C1orf146: variants seen among roughly 807,000 people sequenced by gnomAD.
C1orf146 encodes chromosome 1 open reading frame 146, also known as protein SPO16 homolog.
Under a neutral mutation model 23.0 loss-of-function variants are expected in C1orf146, and 22 were observed. That is an observed-to-expected ratio of 0.96 (90% CI 0.68 to 1.36). The LOEUF is 1.36. Among genes scored for constraint, C1orf146 ranks in the 40% most tolerant of loss-of-function variants. C1orf146 has a pLI of 0.00. For synonymous variants in C1orf146, 59 were observed against 65.3 expected (o/e 0.90, Z 0.47); for missense variants, 199 against 206.8 (o/e 0.96, Z 0.23).
chr1:92,220,251 A>G (rs1282164573), intron 1 of C1orf146, among the ~76,000 whole-genome samples: 1 of 152,166 alleles, frequency 6.6e-6, no homozygotes, highest in African/African-American at 2.4e-5. Context: ...ACTTGTTGCT[A>G]GCACCCAGGT....
chr1:92,219,384 G>A (rs1651763378), intron 1 of C1orf146, among the ~76,000 whole-genome samples: 1 of 151,796 alleles, frequency 6.6e-6, no homozygotes, highest in Admixed American at 6.6e-5. Context: ...TTAGAGAGCA[G>A]CTGGTTTCAA....
chr1:92,230,099 T>C (rs1454393999), intron 1 of C1orf146, among the ~76,000 whole-genome samples: 1 of 152,164 alleles, frequency 6.6e-6, no homozygotes, highest in African/African-American at 2.4e-5. Flanking sequence ...TTCTCCCTTC[T>C]CTTAGTGCAG....
At chr1:92,244,683 A>T (rs1239810251) in intron 4 of C1orf146, 96 bp from the exon 5 acceptor site, 1 of 819,120 alleles carries the variant, frequency 1.2e-6, no homozygotes, top group South Asian at 1.8e-5. Context: ...GCATAGACAA[A>T]TAACAAACAA....
intron 2 of C1orf146, among the ~76,000 whole-genome samples, chr1:92,241,187 CT>C (rs1353377482): frequency 2.1e-5 from 3 of 142,686 alleles, no homozygotes; most frequent in Non-Finnish European, 4.5e-5. Flanking sequence ...CTCCAAGTTG[CT>C]TATTATTATT....
intron 2 of C1orf146, among the ~76,000 whole-genome samples, chr1:92,237,082 G>T (rs890890563): frequency 4.6e-5 from 7 of 151,434 alleles, no homozygotes; most frequent in African/African-American, 1.7e-4. Flanking sequence ...TAGTTTGATT[G>T]TCTGAAGCCT....
intron 1 of C1orf146, among the ~76,000 whole-genome samples, chr1:92,224,370 T>C (rs1246644918): frequency 6.6e-6 from 1 of 152,134 alleles, no homozygotes; most frequent in Non-Finnish European, 1.5e-5. Flanking sequence ...TTAACTTAGA[T>C]TAAGTCCAGT....
chr1:92,233,429 G>A (rs1454703150), intron 2 of C1orf146, among the ~76,000 whole-genome samples: 13 of 152,038 alleles, frequency 8.6e-5, no homozygotes, highest in Admixed American at 2.6e-4. Context: ...TAGATATGCG[G>A]CGTTATTTCT....
chr1:92,224,669 G>T (rs1459115833), intron 1 of C1orf146, among the ~76,000 whole-genome samples: 1 of 152,108 alleles, frequency 6.6e-6, no homozygotes, highest in African/African-American at 2.4e-5. Flanking sequence ...TCAAAGAACT[G>T]TTTTCTTTAT....
At chr1:92,236,292 A>C (rs559365909) in intron 2 of C1orf146, among the ~76,000 whole-genome samples, 281 of 152,026 alleles carry the variant, frequency 1.8e-3, no homozygotes, top group African/African-American at 6.4e-3. Context: ...GAGCTCTTTT[A>C]GGGCAGGCCT....
chr1:92,225,212 C>T (rs1005570606), intron 1 of C1orf146, among the ~76,000 whole-genome samples: 1 of 150,386 alleles, frequency 6.6e-6, no homozygotes, highest in Admixed American at 6.6e-5. Context: ...CTCAGGTGAT[C>T]CTCCCTCCTC....
At chr1:92,235,516 A>T (rs2100741694) in intron 2 of C1orf146, among the ~76,000 whole-genome samples, 1 of 150,844 alleles carries the variant, frequency 6.6e-6, no homozygotes, top group East Asian at 2.0e-4. Context: ...TGCTGAGGAG[A>T]GCTTTACTTC....
intron 2 of C1orf146, chr1:92,241,066 C>G (rs1249618315): frequency 3.0e-6 from 1 of 338,364 alleles, no homozygotes; most frequent in East Asian, 9.8e-5. Context: ...AATTGGTTGT[C>G]TTCTGTGATG....
At chr1:92,243,956 G>GA (rs35711025) in intron 3 of C1orf146, among the ~76,000 whole-genome samples, 2,578 of 137,028 alleles carry the variant, frequency 0.019, 16 homozygotes, top group Middle Eastern at 0.029. Context: ...CTTCATCTAG[G>GA]AAAAAAAAAA....
intron 1 of C1orf146, among the ~76,000 whole-genome samples, chr1:92,225,658 A>G (rs987994375): frequency 3.0e-4 from 46 of 151,834 alleles, no homozygotes; most frequent in African/African-American, 1.0e-3. Context: ...CTTTTGTTTC[A>G]TGTATTTTGG....
chr1:92,222,993 G>A (rs1557484430), intron 1 of C1orf146, among the ~76,000 whole-genome samples: 1 of 152,106 alleles, frequency 6.6e-6, no homozygotes, highest in Non-Finnish European at 1.5e-5. Context: ...CTCGGGTTAT[G>A]TGTATCAATA....
At chr1:92,236,115 G>A (rs1406903278) in intron 2 of C1orf146, among the ~76,000 whole-genome samples, 1 of 151,854 alleles carries the variant, frequency 6.6e-6, no homozygotes, top group South Asian at 2.1e-4. Flanking sequence ...TACATTTAAG[G>A]TTAATATTGT....
At chr1:92,218,397 G>T (rs1261339966) in intron 1 of C1orf146, among the ~76,000 whole-genome samples, 1 of 152,080 alleles carries the variant, frequency 6.6e-6, no homozygotes, top group Admixed American at 6.5e-5. Flanking sequence ...ACTGAGCAGG[G>T]AAAGTGACTT....
At chr1:92,231,924 C>G (rs567034638) in intron 2 of C1orf146, among the ~76,000 whole-genome samples, 1 of 152,238 alleles carries the variant, frequency 6.6e-6, no homozygotes, top group African/African-American at 2.4e-5. Context: ...AGGTGGTCAG[C>G]TCACAACCGT....
intron 1 of C1orf146, chr1:92,228,948 A>G (rs967686035): frequency 4.7e-6 from 2 of 426,178 alleles, no homozygotes; most frequent in Middle Eastern, 7.9e-4. Flanking sequence ...TGCATTTGCC[A>G]GGGACAAATT....
Sources: allele counts gnomAD v4.1 joint callset (sites outside exome capture counted in the v4.1 genomes callset), GRCh38; gene constraint gnomAD v4.1.1; transcripts MANE v1.5; gene names NCBI Gene and HGNC (gene_info 2026-07-23, HGNC 2026-07-21).